Variants in DUSP15 observed in about 807,000 individuals in gnomAD.
DUSP15 encodes dual specificity phosphatase 15.
In DUSP15, 23 loss-of-function variants were observed where a neutral mutation model predicts 26.3. The ratio of observed to expected loss-of-function variants is 0.87; its 90% CI spans 0.63 to 1.24. The LOEUF (loss-of-function observed/expected upper bound fraction) is 1.24. Among genes scored for constraint, DUSP15 ranks in the 50% most tolerant of loss-of-function variants. The probability of loss-of-function intolerance (pLI) is 0.00; values close to 1 mark genes in which losing one functional copy is unlikely to be tolerated. For synonymous variants in DUSP15, 143 were observed against 135.5 expected, an observed-to-expected ratio of 1.06 and a Z score of -0.39; for missense variants, 364 against 320.6, an observed-to-expected ratio of 1.14 and a Z score of -1.03.
At chr20:31,869,466 C>A in intron 2 of DUSP15, 98 bp downstream of exon 2, 2 of 1,501,116 alleles carry the variant, frequency 1.3e-6, no homozygotes. Flanking sequence ...CTGCCCCCAA[C>A]CCCATTCCTG....
At chr20:31,847,639 G>C (rs1388500736) in exon 10 of DUSP15, 1 of 152,188 alleles carries the variant, frequency 6.6e-6, no homozygotes, top group Non-Finnish European at 1.5e-5. Context: ...CTGATATGTG[G>C]GGTGGAAAAC....
At chr20:31,849,591 C>A in intron 8 of DUSP15, 1 of 1,381,402 alleles carries the variant, frequency 7.2e-7, no homozygotes, top group South Asian at 1.2e-5. Flanking sequence ...CTGCGCTCCA[C>A]CTTGTTGGGC....
Position 31,862,750 on chromosome 20 carries a change from C to T in DUSP15, c.264-8G>A. Reference sequence around the variant, plus strand: ...CGAGAGATGCCTGCAAAGCTGGGATCCCCAACAACCCCTCAGGCTTCAAGT... The same window carrying T: ...CGAGAGATGCCTGCAAAGCTGGGATTCCCAACAACCCCTCAGGCTTCAAGT... On this transcript the variant is annotated splice_region_variant and splice_polypyrimidine_tract_variant and intron_variant, in intron 5 of 6. Coordinates refer to ENST00000339738, the MANE Select transcript of DUSP15 (RefSeq NM_080611.5). 1.3e-6 allele frequency: 2 copies of T among 1,587,190 alleles called. No individual in the cohort carries two copies. Among genetic ancestry groups the T allele is most frequent in the Non-Finnish European group, 1.7e-6 (2 of 1,161,668 alleles).
intron 5 of DUSP15, 26 bp downstream of exon 5, chr20:31,863,881 A>ATCCC (rs759863707): frequency 6.3e-7 from 1 of 1,576,660 alleles, no homozygotes; most frequent in East Asian, 2.3e-5. Context: ...TTCCTCCCCC[A>ATCCC]CCTTATCCCC....
In DUSP15 at chr20:31,862,672, G is replaced by A. The variant is rs745824933; in HGVS notation, c.334C>T (p.Arg112Trp). 1.1e-5 allele frequency: 17 copies of A among 1,614,084 alleles called. No homozygotes were observed. Among genetic ancestry groups the A allele is most frequent in the South Asian group, 2.2e-5 (2 of 91,080 alleles). ...YVMTVTGLGW[R>W]DVLEAIKATR... ...GCCTTGATGGCTTCAAGCACGTCCCGCCAGCCTAGCCCCGTCACAGTCATC... is the reference window on the plus strand; with the variant it reads ...GCCTTGATGGCTTCAAGCACGTCCCACCAGCCTAGCCCCGTCACAGTCATC... The change falls in exon 6 of 7, where the codon CGG (arginine) becomes TGG (tryptophan). Residue 112 changes from arginine to tryptophan, a missense_variant. By Grantham distance (101) the Arg-to-Trp change is moderately radical (BLOSUM62 -3). Coordinates refer to ENST00000339738, the MANE Select transcript of DUSP15 (RefSeq NM_080611.5).
At chr20:31,865,969 CT>C (rs1397285056) in intron 3 of DUSP15, among the ~76,000 whole-genome samples, 13 of 152,330 alleles carry the variant, frequency 8.5e-5, no homozygotes, top group African/African-American at 2.6e-4. Flanking sequence ...ACTCTAGTGA[CT>C]GTTTACTCCA....
downstream of DUSP15, among the ~76,000 whole-genome samples, chr20:31,860,016 T>G (rs1188995489): frequency 6.6e-6 from 1 of 152,230 alleles, no homozygotes. Flanking sequence ...CCTGGAATGC[T>G]TCCCCCAGAT....
rs1231556483 is a variant in DUSP15 at position 31,870,228 on chromosome 20, G to A, written c.21+89C>T. 1.6e-5 allele frequency: 20 copies of A among 1,226,066 alleles called. No individual in the cohort carries two copies. The highest frequency in any genetic ancestry group is 2.0e-5 in the Non-Finnish European group (20 of 984,122). The allele number at this position is 1,226,066 out of a possible 1,614,324, so 75.9% of individuals were successfully genotyped here. A position where few individuals can be genotyped will look rare whatever the true frequency, so the allele number is the denominator to read the frequency against. On this transcript the variant is annotated intron_variant, in intron 1 of 6. Coordinates refer to ENST00000339738, the MANE Select transcript of DUSP15 (RefSeq NM_080611.5). This position sits in a 1 kb window ranked among gnomAD's most constrained non-coding sequence, Gnocchi z 6.6. Reference sequence around the variant, plus strand: ...CGCACGGAGACCGGCGAGAACAGAAGGTCAGAGGCGGGCGGACCGAGCTGG... The same window carrying A: ...CGCACGGAGACCGGCGAGAACAGAAAGTCAGAGGCGGGCGGACCGAGCTGG...
At chr20:31,868,506 G>A (rs1335277809) in intron 2 of DUSP15, among the ~76,000 whole-genome samples, 1 of 121,812 alleles carries the variant, frequency 8.2e-6, no homozygotes, top group Non-Finnish European at 1.6e-5. Flanking sequence ...TTGAGACAGA[G>A]TCTCGCTCTG....
chr20:31,850,586 G>A (rs756292520), intron 7 of DUSP15: 2 of 1,602,790 alleles, frequency 1.2e-6, no homozygotes. Flanking sequence ...ACACTGGTCG[G>A]AGGGGAGGGG....
chr20:31,854,650 A>T (rs1370418040), intron 6 of DUSP15, among the ~76,000 whole-genome samples: 2 of 152,168 alleles, frequency 1.3e-5, no homozygotes. Flanking sequence ...ATGGAGTGAC[A>T]TTTTTGGAAG....
intron 6 of DUSP15, among the ~76,000 whole-genome samples, chr20:31,850,857 C>T (rs991473763): frequency 2.0e-5 from 3 of 152,178 alleles, no homozygotes; most frequent in African/African-American, 7.2e-5. Context: ...CCTGTGGGGC[C>T]ACTCCTTGTC....
chr20:31,854,484 C>T (rs2062528224), intron 6 of DUSP15, among the ~76,000 whole-genome samples: 1 of 152,106 alleles, frequency 6.6e-6, no homozygotes, highest in African/African-American at 2.4e-5. Context: ...GGGCACAGGG[C>T]AGAGGGTGCT....
downstream of DUSP15, among the ~76,000 whole-genome samples, chr20:31,846,971 T>A (rs956334519): frequency 6.6e-6 from 1 of 152,118 alleles, no homozygotes; most frequent in African/African-American, 2.4e-5. Context: ...CACTCTGAAC[T>A]GAGGCTACCC....
At chr20:31,849,475 G>T in intron 8 of DUSP15, 2 of 675,144 alleles carry the variant, frequency 3.0e-6, no homozygotes, top group South Asian at 3.1e-5. Context: ...ATGTTCCTTT[G>T]CCCACCGCGT....
chr20:31,849,051 T>TGTG, intron 8 of DUSP15: 1 of 645,290 alleles, frequency 1.5e-6, no homozygotes, highest in East Asian at 2.8e-5. Context: ...CTAGGCCCAC[T>TGTG]TCCACGTTCC....
chr20:31,850,733 A>C, intron 6 of DUSP15: 1 of 1,567,566 alleles, frequency 6.4e-7, no homozygotes, highest in Non-Finnish European at 8.7e-7. Context: ...AGACCCATAG[A>C]TAAGGAGGAG....
At chr20:31,848,095 T>C in exon 10 of DUSP15, 2 of 364,878 alleles carry the variant, frequency 5.5e-6, no homozygotes, top group South Asian at 9.5e-5. Context: ...AGGTTAAGGC[T>C]GGCTCTGAGG....
chr20:31,869,327 G>T (rs2062855348), intron 2 of DUSP15, among the ~76,000 whole-genome samples: 1 of 152,232 alleles, frequency 6.6e-6, no homozygotes, highest in African/African-American at 2.4e-5. Flanking sequence ...AGGCTGAATG[G>T]CGGGGAGGGA....
Sources: gnomAD v4.1 joint callset for allele counts (sites outside exome capture counted in the v4.1 genomes callset) on GRCh38, gnomAD v4.1.1 for gene constraint, Gnocchi (gnomAD v3.1) non-coding constraint, MANE v1.5 for transcripts, NCBI Gene and HGNC (gene_info 2026-07-23, HGNC 2026-07-21) for gene names.